RIT2: variants seen among roughly 807,000 people sequenced by gnomAD.
RIT2 encodes Ras like without CAAX 2.
A neutral mutation model predicts 23.7 loss-of-function variants in RIT2; 24 were observed. The ratio of observed to expected loss-of-function variants is 1.01; its 90% CI spans 0.73 to 1.43. The LOEUF is 1.43. RIT2 is among the 40% of genes most tolerant of loss of function. RIT2 has a pLI of 0.00. For synonymous variants in RIT2, 107 were observed against 91.1 expected, an observed-to-expected ratio of 1.17 and a Z score of -0.99; for missense variants, 236 against 266.9, an observed-to-expected ratio of 0.88 and a Z score of 0.81.
chr18:42,994,908 C>T (rs1910943957), intron 2 of RIT2, among the ~76,000 whole-genome samples: 1 of 152,126 alleles, frequency 6.6e-6, no homozygotes, highest in South Asian at 2.1e-4. Flanking sequence ...GTTGAGTCTC[C>T]CACAATTACC....
At chr18:42,780,756 G>T (rs903467476) in intron 4 of RIT2, among the ~76,000 whole-genome samples, 4 of 151,786 alleles carry the variant, frequency 2.6e-5, no homozygotes, top group Non-Finnish European at 5.9e-5. Context: ...AATTCTAAAG[G>T]GAGGAAAGTG....
At chr18:43,088,043 T>C (rs1447662907) in intron 1 of RIT2, among the ~76,000 whole-genome samples, 1 of 152,206 alleles carries the variant, frequency 6.6e-6, no homozygotes, top group East Asian at 1.9e-4. Flanking sequence ...AGAGTTGATG[T>C]CTAATCCAAT....
chr18:42,795,119 C>T (rs1914127936), intron 4 of RIT2, among the ~76,000 whole-genome samples: 1 of 152,230 alleles, frequency 6.6e-6, no homozygotes, highest in African/African-American at 2.4e-5. Context: ...CTCTCGGCAC[C>T]TCCTCTGCCT....
At chr18:42,803,477 A>T (rs140896794) in intron 4 of RIT2, among the ~76,000 whole-genome samples, 1 of 152,132 alleles carries the variant, frequency 6.6e-6, no homozygotes, top group Non-Finnish European at 1.5e-5. Context: ...GCTGGATACT[A>T]TATGGCCATG....
intron 4 of RIT2, among the ~76,000 whole-genome samples, chr18:42,856,340 G>A (rs545838897): frequency 4.6e-5 from 7 of 152,236 alleles, no homozygotes; most frequent in Non-Finnish European, 7.4e-5. Context: ...TGCCTTGCTG[G>A]GTTACCCTAC....
At position 42,934,995 on chromosome 18, in the gene RIT2, A is replaced by G. The variant is rs779348760; in HGVS notation, c.235-11232T>C. ...GAAAGCAGAAAAAAGCGATAAATAG[A>G]AAGAGTCCTAATGAAGTCTTGGGAA... On this transcript the variant is annotated intron_variant, in intron 3 of 4. Coordinates refer to ENST00000326695, the MANE Select transcript of RIT2 (RefSeq NM_002930.4). 7.9e-5 allele frequency among the ~76,000 whole-genome samples: 12 copies of G among 152,300 alleles called. No homozygotes were observed. In the South Asian group the frequency reaches 1.2e-3, roughly 16 times the overall value.
chr18:42,978,314 T>TC (rs796831562), intron 2 of RIT2, among the ~76,000 whole-genome samples: 92 of 151,908 alleles, frequency 6.1e-4, no homozygotes, highest in African/African-American at 2.1e-3. Flanking sequence ...CTTTTTTTTT[T>TC]TCTCTCTTTT....
intron 4 of RIT2, among the ~76,000 whole-genome samples, chr18:42,913,199 A>C (rs1598711976): frequency 2.7e-5 from 4 of 149,620 alleles, no homozygotes; most frequent in South Asian, 4.2e-4. Flanking sequence ...CCATCAGCCA[A>C]AAAAAAAAAA....
intron 4 of RIT2, among the ~76,000 whole-genome samples, chr18:42,748,776 G>A (rs550210809): frequency 2.6e-5 from 4 of 152,074 alleles, no homozygotes; most frequent in Admixed American, 2.0e-4. Context: ...AAGGGAGGTA[G>A]GTGGATAAAA....
At chr18:42,984,605 A>G (rs951084691) in intron 2 of RIT2, among the ~76,000 whole-genome samples, 2 of 152,090 alleles carry the variant, frequency 1.3e-5, no homozygotes, top group African/African-American at 4.8e-5. Context: ...TTCATTTATT[A>G]TACTTTTTTG....
chr18:42,791,077 G>A (rs2143946337), intron 4 of RIT2, among the ~76,000 whole-genome samples: 1 of 152,242 alleles, frequency 6.6e-6, no homozygotes, highest in East Asian at 1.9e-4. Flanking sequence ...AATCTAATGT[G>A]GCAATAAACT....
chr18:42,950,378 C>T (rs945859169), intron 3 of RIT2, among the ~76,000 whole-genome samples: 2 of 151,944 alleles, frequency 1.3e-5, no homozygotes, highest in Non-Finnish European at 2.9e-5. Context: ...CACCTTTCAC[C>T]ATTAAAAATT....
intron 4 of RIT2, among the ~76,000 whole-genome samples, chr18:42,776,407 G>A (rs1411142277): frequency 6.6e-6 from 1 of 151,932 alleles, no homozygotes; most frequent in Non-Finnish European, 1.5e-5. Flanking sequence ...CACATAAAAG[G>A]GTAATATTAT....
chr18:42,830,947 T>C (rs929280623), intron 4 of RIT2, among the ~76,000 whole-genome samples: 1 of 152,188 alleles, frequency 6.6e-6, no homozygotes, highest in African/African-American at 2.4e-5. Flanking sequence ...ATTCTTCCAA[T>C]AGTATTTTCT....
At chr18:43,037,943 G>C (rs115572476) in intron 1 of RIT2, among the ~76,000 whole-genome samples, 8 of 151,974 alleles carry the variant, frequency 5.3e-5, no homozygotes, top group African/African-American at 1.7e-4. Flanking sequence ...CGTGGCTCAT[G>C]CCTGTAATCC....
At chr18:42,842,182 C>A (rs555539986) in intron 4 of RIT2, among the ~76,000 whole-genome samples, 65 of 152,230 alleles carry the variant, frequency 4.3e-4, no homozygotes, top group South Asian at 6.2e-4. Context: ...TGATGCAGGT[C>A]TGATTACCAT....
At chr18:42,795,667 C>T (rs1170326773) in intron 4 of RIT2, among the ~76,000 whole-genome samples, 2 of 152,256 alleles carry the variant, frequency 1.3e-5, no homozygotes, top group Admixed American at 6.5e-5. Flanking sequence ...GGTGCGGGAT[C>T]CACTGGGTGA....
chr18:42,885,212 A>G (rs1411214957), intron 4 of RIT2, among the ~76,000 whole-genome samples: 1 of 152,230 alleles, frequency 6.6e-6, no homozygotes, highest in Non-Finnish European at 1.5e-5. Context: ...TGTAACATTC[A>G]TTTCACAGAT....
intron 4 of RIT2, among the ~76,000 whole-genome samples, chr18:42,849,616 ACGTTAT>A (rs1245619761): frequency 6.6e-6 from 1 of 152,216 alleles, no homozygotes. Context: ...CTGAAGCACC[ACGTTAT>A]CTTCAAGTTT....
Sources: allele counts gnomAD v4.1 joint callset (sites outside exome capture counted in the v4.1 genomes callset), GRCh38; gene constraint gnomAD v4.1.1; transcripts MANE v1.5; gene names NCBI Gene and HGNC (gene_info 2026-07-23, HGNC 2026-07-21).